The following SYT9 variants were observed in gnomAD, a reference collection of about 807,000 sequenced individuals.
The protein encoded by SYT9 is synaptotagmin-9.
SYT9 carries 22 observed loss-of-function variants against 48.4 expected under a neutral mutation model. That is an observed-to-expected ratio of 0.45 (90% CI 0.32 to 0.65). The LOEUF is 0.65. Among genes scored for constraint, SYT9 ranks in the 30% least tolerant of loss-of-function variants. The pLI, the probability that SYT9 is intolerant of heterozygous loss-of-function variation, is 0.03. For synonymous variants in SYT9, 265 were observed against 245.0 expected, an observed-to-expected ratio of 1.08 and a Z score of -0.76; for missense variants, 577 against 622.0, an observed-to-expected ratio of 0.93 and a Z score of 0.77.
intron 1 of SYT9, among the ~76,000 whole-genome samples, chr11:7,262,415 C>T (rs1848096684): frequency 6.6e-6 from 1 of 151,962 alleles, no homozygotes; most frequent in Non-Finnish European, 1.5e-5. Context: ...GAGTCATCAG[C>T]ATGTATGTGA....
intron 1 of SYT9, among the ~76,000 whole-genome samples, chr11:7,279,365 A>G (rs1189373265): frequency 6.6e-6 from 1 of 152,086 alleles, no homozygotes; most frequent in African/African-American, 2.4e-5. Flanking sequence ...TTTTCCGTTG[A>G]GAACAAAAAA....
At chr11:7,440,359 TGAG>T in intron 6 of SYT9, 1 of 152,260 alleles carries the variant, frequency 6.6e-6, no homozygotes, top group South Asian at 2.1e-4. Context: ...GAAGCACAAA[TGAG>T]GAGGACCCCC....
Position 7,469,005 on chromosome 11 carries a change from T to G in SYT9, c.*2205T>G, listed in dbSNP as rs4076396. 0.041 allele frequency: 6,277 copies of G among 152,314 alleles called. 265 individuals carry two copies. The highest frequency in any genetic ancestry group is 0.2 in the East Asian group (1,012 of 5,180). 9.4% of individuals were successfully genotyped at this position (152,314 alleles called of 1,614,324 possible). ...TCTGTTCTCTTGCATTCTGTTTGGT[T>G]GCCCTTTAGTTTCCTAGTAAATGCT... On this transcript the variant is annotated 3_prime_UTR_variant, in exon 7 of 7. Transcript: ENST00000318881.
intron 6 of SYT9, among the ~76,000 whole-genome samples, chr11:7,458,968 C>G (rs1486249770): frequency 6.6e-6 from 1 of 152,168 alleles, no homozygotes; most frequent in South Asian, 2.1e-4. Context: ...GTGAGAATAC[C>G]CATTAGGAGT....
upstream of SYT9, among the ~76,000 whole-genome samples, chr11:7,248,116 A>G (rs1847817404): frequency 6.6e-6 from 1 of 151,982 alleles, no homozygotes; most frequent in African/African-American, 2.4e-5. Context: ...GGCCATTTGT[A>G]TATCTTCTTT....
intron 3 of SYT9, among the ~76,000 whole-genome samples, chr11:7,333,818 C>G (rs1849586072): frequency 6.6e-6 from 1 of 152,166 alleles, no homozygotes; most frequent in Admixed American, 6.5e-5. Flanking sequence ...TCACTGTCTG[C>G]CAGGCAATGT....
Position 7,275,277 on chromosome 11 carries a change from A to C in SYT9, c.145+22946A>C, listed in dbSNP as rs144202071. Among the ~76,000 whole-genome samples the C allele has an allele frequency of 1.7e-3, 257 of 152,196 alleles. 2 individuals are homozygous for C. Among genetic ancestry groups the C allele is most frequent in the Non-Finnish European group, 2.9e-3 (194 of 67,998 alleles). On this transcript the variant is annotated intron_variant, in intron 1 of 6. Coordinates refer to ENST00000318881, the MANE Select transcript of SYT9 (RefSeq NM_175733.4). ...TCTTCACAGCCACACTGCTCATAAAATAGATTTCCTCCCCCACCTTCTCCA... is the reference window on the plus strand; with the variant it reads ...TCTTCACAGCCACACTGCTCATAAACTAGATTTCCTCCCCCACCTTCTCCA...
chr11:7,399,143 C>T (rs535805791), intron 3 of SYT9, among the ~76,000 whole-genome samples: 1 of 152,204 alleles, frequency 6.6e-6, no homozygotes, highest in South Asian at 2.1e-4. Flanking sequence ...GTCTGTTGCA[C>T]AGAAATTCAA....
At chr11:7,311,058 T>G (rs993902558) in intron 2 of SYT9, among the ~76,000 whole-genome samples, 1 of 152,168 alleles carries the variant, frequency 6.6e-6, no homozygotes, top group African/African-American at 2.4e-5. Context: ...ATCCCAGCAC[T>G]TTGGGAGGCT....
intron 3 of SYT9, among the ~76,000 whole-genome samples, chr11:7,336,281 T>A (rs960118365): frequency 2.0e-5 from 3 of 152,228 alleles, no homozygotes; most frequent in Admixed American, 6.5e-5. Context: ...TTTCTCCTGT[T>A]CTGTAGTTTG....
chr11:7,440,328 G>C (rs1847806478), intron 6 of SYT9: 1 of 152,220 alleles, frequency 6.6e-6, no homozygotes, highest in African/African-American at 2.4e-5. Context: ...CTACTGGGAG[G>C]AAGTCACCCT....
intron 3 of SYT9, chr11:7,314,465 A>C (rs1023190595): frequency 1.3e-5 from 3 of 226,094 alleles, no homozygotes; most frequent in Non-Finnish European, 2.7e-5. Flanking sequence ...AAAACTCACA[A>C]AATCCAAGTT....
intron 3 of SYT9, among the ~76,000 whole-genome samples, chr11:7,340,986 G>C (rs1354951096): frequency 2.0e-5 from 3 of 152,212 alleles, no homozygotes; most frequent in Non-Finnish European, 2.9e-5. Context: ...AGTATCAACA[G>C]TGAAGGTTGT....
At chr11:7,426,667 G>A (rs1847464063) in intron 6 of SYT9, among the ~76,000 whole-genome samples, 1 of 152,070 alleles carries the variant, frequency 6.6e-6, no homozygotes, top group South Asian at 2.1e-4. Context: ...TAAACTTGGG[G>A]TTTCAAGCCT....
At chr11:7,416,761 A>G (rs559890321) in intron 4 of SYT9, among the ~76,000 whole-genome samples, 2 of 152,162 alleles carry the variant, frequency 1.3e-5, no homozygotes, top group Non-Finnish European at 2.9e-5. Context: ...GGGTCCTGAA[A>G]CCAATTCCTT....
At chr11:7,391,281 C>G (rs1388538636) in intron 3 of SYT9, among the ~76,000 whole-genome samples, 1 of 152,062 alleles carries the variant, frequency 6.6e-6, no homozygotes, top group Non-Finnish European at 1.5e-5. Flanking sequence ...GTGCACCCCT[C>G]TTTTTGGTAG....
At chr11:7,416,228 T>C in intron 4 of SYT9, 66 bp downstream of exon 4, 1 of 1,590,264 alleles carries the variant, frequency 6.3e-7, no homozygotes, top group Non-Finnish European at 8.6e-7. Context: ...TATAAAGTTT[T>C]AGTATGGTAA....
chr11:7,454,259 A>G (rs772423185), intron 6 of SYT9: 1 of 985,078 alleles, frequency 1.0e-6, no homozygotes, highest in Non-Finnish European at 1.2e-6. Context: ...TCTTCCTCCC[A>G]TTTGTCTCTG....
intron 1 of SYT9, among the ~76,000 whole-genome samples, chr11:7,290,809 G>T (rs768010212): frequency 6.6e-6 from 1 of 152,138 alleles, no homozygotes. Flanking sequence ...ATCTCATTTT[G>T]TATGTTAGGA....
Sources: allele counts gnomAD v4.1 joint callset (sites outside exome capture counted in the v4.1 genomes callset), GRCh38; gene constraint gnomAD v4.1.1; transcripts MANE v1.5; gene names NCBI Gene and HGNC (gene_info 2026-07-23, HGNC 2026-07-21).